Variants in TYW1 observed in about 807,000 individuals in gnomAD.
TYW1 encodes tRNA-yW synthesizing protein 1 homolog.
TYW1 carries 46 observed loss-of-function variants against 96.2 expected under a neutral mutation model. The ratio of observed to expected loss-of-function variants is 0.48; its 90% confidence interval spans 0.38 to 0.61. The LOEUF is 0.61. Ranked by LOEUF, TYW1 falls within the 20% of genes least tolerant of loss-of-function variation. TYW1 has a pLI of 0.00. For synonymous variants in TYW1, 274 were observed against 323.0 expected (o/e 0.85, Z 1.63); for missense variants, 684 against 909.6 (o/e 0.75, Z 3.19).
chr7:67,045,500 G>A (rs969244283), intron 7 of TYW1, among the ~76,000 whole-genome samples: 7 of 152,162 alleles, frequency 4.6e-5, no homozygotes, highest in African/African-American at 1.7e-4. Flanking sequence ...TTACAGGCAT[G>A]AGCCACTGTA....
At chr7:67,073,279 A>G (rs1796090847) in intron 10 of TYW1, among the ~76,000 whole-genome samples, 1 of 152,110 alleles carries the variant, frequency 6.6e-6, no homozygotes, top group Admixed American at 6.6e-5. Context: ...TGTTAGAACC[A>G]AGGAGAGTGC....
Position 67,052,595 on chromosome 7 carries a change from CA to C in TYW1, c.1102+2530del, listed in dbSNP as rs747436332. Among the ~76,000 whole-genome samples, 41 of 152,248 alleles carry C rather than the reference CA, an allele frequency of 2.7e-4. 1 individual carries two copies. In the South Asian group the frequency reaches 5.4e-3, roughly 20 times the overall value. On this transcript the variant is annotated intron_variant, in intron 8 of 15. Coordinates refer to ENST00000359626, the MANE Select transcript of TYW1 (RefSeq NM_018264.4). The stretch of plus-strand genomic sequence containing the variant: ...TGTCCTAATCTGCTAATGTCTTTGT[CA>C]TTTCTGGATCAGCTTTGGTTGATGG...
At chr7:67,105,226 G>A (rs551106332) in intron 12 of TYW1, among the ~76,000 whole-genome samples, 18 of 152,242 alleles carry the variant, frequency 1.2e-4, no homozygotes, top group Non-Finnish European at 2.1e-4. Flanking sequence ...GGGGCACTTG[G>A]GTACTGGGAC....
intron 13 of TYW1, among the ~76,000 whole-genome samples, chr7:67,135,355 A>C (rs956281611): frequency 1.0e-4 from 12 of 119,326 alleles, no homozygotes; most frequent in African/African-American, 4.4e-4. Context: ...CCCAGGCTGG[A>C]GTACAGTGGC....
chr7:67,102,742 C>A (rs1482277082), intron 12 of TYW1, among the ~76,000 whole-genome samples: 1 of 152,092 alleles, frequency 6.6e-6, no homozygotes, highest in East Asian at 1.9e-4. Flanking sequence ...AGCTCCGCCT[C>A]CAGGGTTCAA....
intron 10 of TYW1, among the ~76,000 whole-genome samples, chr7:67,080,320 A>G (rs1402524063): frequency 6.6e-6 from 1 of 152,002 alleles, no homozygotes. Flanking sequence ...ATCATTATAC[A>G]GTGACCTTTT....
intron 7 of TYW1, among the ~76,000 whole-genome samples, chr7:67,041,263 C>T (rs1795009451): frequency 6.6e-6 from 1 of 152,100 alleles, no homozygotes; most frequent in African/African-American, 2.4e-5. Context: ...GAGGTTTTTA[C>T]TGCTTGGCTT....
chr7:67,019,301 A>ATCTGAAGCCATCAGAGGGGAGCTC (rs1794147322), intron 6 of TYW1, among the ~76,000 whole-genome samples: 12 of 151,448 alleles, frequency 7.9e-5, no homozygotes, highest in African/African-American at 7.3e-5. Flanking sequence ...CCCAGCTCCC[A>ATCTGAAGCCATCAGAGGGGAGCTC]TCTCCTGCCT....
chr7:67,184,171 A>G (rs1799928631), intron 14 of TYW1, among the ~76,000 whole-genome samples: 1 of 152,156 alleles, frequency 6.6e-6, no homozygotes, highest in African/African-American at 2.4e-5. Flanking sequence ...ATACCTAAAA[A>G]TTTTCAACTA....
chr7:67,009,847 T>C, intron 4 of TYW1, 163 bp downstream of exon 4: 1 of 684,104 alleles, frequency 1.5e-6, no homozygotes, highest in South Asian at 2.2e-5. Context: ...GAATTGAATG[T>C]GGGGTAAGGT....
intron 15 of TYW1, among the ~76,000 whole-genome samples, chr7:67,214,270 T>C (rs1402135746): frequency 2.0e-4 from 30 of 152,182 alleles, no homozygotes; most frequent in Non-Finnish European, 1.5e-5. Flanking sequence ...TAAACATGAT[T>C]GTTTGGAATT....
intron 14 of TYW1, 113 bp downstream of exon 14, chr7:67,183,349 T>C (rs1203529345): frequency 4.6e-6 from 4 of 866,550 alleles, no homozygotes; most frequent in Admixed American, 5.5e-5. Context: ...AGGAATTTTA[T>C]TGATGTATTC....
At chr7:67,198,851 G>T (rs1165675559) in intron 15 of TYW1, among the ~76,000 whole-genome samples, 4 of 152,080 alleles carry the variant, frequency 2.6e-5, no homozygotes, top group Admixed American at 1.3e-4. Flanking sequence ...TGTCTTTTAT[G>T]ATGTTGCTAT....
intron 13 of TYW1, among the ~76,000 whole-genome samples, chr7:67,169,929 G>A (rs1187171286): frequency 6.6e-6 from 1 of 152,100 alleles, no homozygotes; most frequent in Non-Finnish European, 1.5e-5. Context: ...ACTTTTTCAG[G>A]AGCTGCCAAC....
At chr7:67,047,331 G>C (rs1562983474) in intron 7 of TYW1, among the ~76,000 whole-genome samples, 1 of 152,142 alleles carries the variant, frequency 6.6e-6, no homozygotes, top group Non-Finnish European at 1.5e-5. Context: ...AGGAGTTTGA[G>C]ACCAGCGTGG....
intron 7 of TYW1, among the ~76,000 whole-genome samples, chr7:67,029,052 G>T (rs1472237602): frequency 1.3e-5 from 2 of 151,342 alleles, no homozygotes; most frequent in Non-Finnish European, 2.9e-5. Flanking sequence ...AGGCTGGAGT[G>T]CAGTGGCGCA....
At chr7:67,129,263 A>G (rs1419302876) in intron 13 of TYW1, among the ~76,000 whole-genome samples, 1 of 152,224 alleles carries the variant, frequency 6.6e-6, no homozygotes, top group East Asian at 1.9e-4. Context: ...ACACATGTCA[A>G]ATGGTTCCTG....
At position 66,998,909 on chromosome 7, in the gene TYW1, G is replaced by A. The variant is rs191056147; in HGVS notation, c.228G>A (p.Val76=). 20 of 1,614,136 alleles carry A rather than the reference G, an allele frequency of 1.2e-5. No individual in the cohort carries two copies. Among genetic ancestry groups the A allele is most frequent in the Non-Finnish European group, 1.6e-5 (19 of 1,180,026 alleles). ...YVSLQEKDIF[V]SGVKIFYGSQ... is the part of the protein sequence containing the mutation. ...CCCTTCAAGAGAAAGACATCTTTGT[G>A]TCTGGAGTGAAGATTTTTTATGGTT... The change falls in exon 3 of 16, where the codon GTG becomes GTA. Residue 76 remains valine, a synonymous_variant. Transcript: ENST00000359626.
intron 13 of TYW1, among the ~76,000 whole-genome samples, chr7:67,161,314 A>T (rs1225290209): frequency 1.3e-5 from 2 of 152,336 alleles, no homozygotes; most frequent in East Asian, 3.9e-4. Flanking sequence ...TTGTAGATTA[A>T]TTTGGAAAAG....
Sources: allele counts gnomAD v4.1 joint callset (sites outside exome capture counted in the v4.1 genomes callset), GRCh38; gene constraint gnomAD v4.1.1; transcripts MANE v1.5; gene names NCBI Gene and HGNC (gene_info 2026-07-23, HGNC 2026-07-21).